ANGPT4: variants seen among roughly 807,000 people sequenced by gnomAD.
ANGPT4 encodes angiopoietin-4.
A neutral mutation model predicts 53.0 loss-of-function variants in ANGPT4; 50 were observed. That is an observed-to-expected ratio of 0.94 (90% CI 0.75 to 1.20). The LOEUF (loss-of-function observed/expected upper bound fraction) is 1.20, where lower values mean the gene tolerates loss of function less well. Ranked by LOEUF, ANGPT4 falls within the 50% of genes most tolerant of loss-of-function variation. The pLI is 0.00. For synonymous variants in ANGPT4, 251 were observed against 259.7 expected (o/e 0.97, Z 0.32); for missense variants, 648 against 637.1 (o/e 1.02, Z -0.18).
At chr20:875,920 A>G (rs2015564) in intron 7 of ANGPT4, among the ~76,000 whole-genome samples, 35,367 of 151,948 alleles carry the variant, frequency 0.23, 4,575 homozygotes, top group East Asian at 0.52. Flanking sequence ...GCTTGAGCCC[A>G]GGAGTTCGAG....
chr20:901,905 CT>C (rs1982301448), intron 1 of ANGPT4, among the ~76,000 whole-genome samples: 1 of 152,142 alleles, frequency 6.6e-6, no homozygotes, highest in Non-Finnish European at 1.5e-5. Flanking sequence ...GAGCAAAACC[CT>C]ATCTTAAAAC....
intron 1 of ANGPT4, among the ~76,000 whole-genome samples, chr20:901,328 A>G (rs1463504197): frequency 5.9e-5 from 9 of 152,182 alleles, no homozygotes; most frequent in Non-Finnish European, 1.3e-4. Context: ...GCCTTAACTG[A>G]TGACATTACC....
chr20:887,953 T>G (rs1981678701), intron 3 of ANGPT4, among the ~76,000 whole-genome samples: 1 of 152,054 alleles, frequency 6.6e-6, no homozygotes, highest in South Asian at 2.1e-4. Flanking sequence ...CCCAGGAAGA[T>G]GCCTATCCCC....
intron 2 of ANGPT4, among the ~76,000 whole-genome samples, chr20:889,315 A>G (rs1024370362): frequency 1.3e-5 from 2 of 152,088 alleles, no homozygotes; most frequent in Non-Finnish European, 2.9e-5. Context: ...TCATCATGCA[A>G]TTTCGTCATT....
In ANGPT4 at chr20:915,886, A is replaced by C; in HGVS notation, c.309+20T>G. 6.5e-7 allele frequency: 1 copy of C among 1,536,970 alleles called. No homozygotes were observed. Among genetic ancestry groups the C allele is most frequent in the Non-Finnish European group, 8.8e-7 (1 of 1,139,616 alleles). On this transcript the variant is annotated intron_variant, in intron 1 of 8. Coordinates refer to ENST00000381922, the MANE Select transcript of ANGPT4 (RefSeq NM_015985.4). ...CCCAAAGCCGCCCTCTGCCCCCTGC[A>C]AACCTCCCATGCCCCGTACCTTCTT...
chr20:906,343 C>G (rs926528479), intron 1 of ANGPT4, among the ~76,000 whole-genome samples: 7 of 152,154 alleles, frequency 4.6e-5, no homozygotes, highest in African/African-American at 1.7e-4. Context: ...CGAGCCCCAG[C>G]CCAGGTCAAG....
At chr20:884,972 C>A (rs1353320951) in intron 4 of ANGPT4, 106 bp downstream of exon 4, 7 of 1,482,518 alleles carry the variant, frequency 4.7e-6, no homozygotes, top group African/African-American at 1.4e-5. Context: ...GAGGGTGGGG[C>A]CCGCAATGGC....
In ANGPT4 at chr20:870,258, G is replaced by A. The variant is rs1247370682; in HGVS notation, c.*2702C>T. Reference sequence around the variant, plus strand: ...GAACAGGTGTCTGAGGCTGGGTATGGTGGCTCATGCCTGTAATCCCAGCAC... The same window carrying A: ...GAACAGGTGTCTGAGGCTGGGTATGATGGCTCATGCCTGTAATCCCAGCAC... On this transcript the variant is annotated 3_prime_UTR_variant, in exon 9 of 9. Coordinates refer to ENST00000381922, the MANE Select transcript of ANGPT4 (RefSeq NM_015985.4). 2 of 152,228 alleles carry A rather than the reference G, an allele frequency of 1.3e-5. No individual in the cohort carries two copies. Among genetic ancestry groups the A allele is most frequent in the African/African-American group, 2.4e-5 (1 of 41,412 alleles). 9.4% of individuals were successfully genotyped at this position (152,228 alleles called of 1,614,324 possible). A position where few individuals can be genotyped will look rare whatever the true frequency, so the allele number is the denominator to read the frequency against.
At chr20:873,241 C>G (rs1042389206) in intron 8 of ANGPT4, 121 bp from the exon 9 acceptor site, 2 of 941,770 alleles carry the variant, frequency 2.1e-6, no homozygotes, top group Non-Finnish European at 3.1e-6. Flanking sequence ...CTCTGGGAAG[C>G]CAGCTGGCTG....
intron 3 of ANGPT4, among the ~76,000 whole-genome samples, chr20:888,064 G>C (rs979943658): frequency 2.6e-5 from 4 of 152,102 alleles, no homozygotes; most frequent in Non-Finnish European, 5.9e-5. Context: ...TCCAACCCTG[G>C]TTTCAGTCCT....
chr20:906,806 T>C (rs1230160567), intron 1 of ANGPT4, among the ~76,000 whole-genome samples: 4 of 152,230 alleles, frequency 2.6e-5, no homozygotes, highest in African/African-American at 9.6e-5. Context: ...CTGCAAGACA[T>C]ACTATTGCTT....
intron 1 of ANGPT4, among the ~76,000 whole-genome samples, chr20:891,513 C>T (rs956485063): frequency 6.6e-6 from 1 of 152,234 alleles, no homozygotes; most frequent in Admixed American, 6.5e-5. Context: ...CAGCTCCCCT[C>T]CACCATTGCC....
At chr20:890,719 T>C (rs564604241) in intron 1 of ANGPT4, among the ~76,000 whole-genome samples, 1 of 152,310 alleles carries the variant, frequency 6.6e-6, no homozygotes, top group South Asian at 2.1e-4. Context: ...GGAAAAGCCA[T>C]GACTGCAGGT....
rs79320190 is a variant in ANGPT4 at position 890,327 on chromosome 20, C to T, written c.351G>A (p.Glu117=). 1.1e-3 allele frequency: 1,799 copies of T among 1,613,562 alleles called. 16 individuals carry two copies. In the African/African-American group the frequency reaches 0.021, roughly 19 times the overall value. ...TCTGGGCCATTTGCTGCTGGACCTG[C>T]TCCAGCTTCGACCTCAAGATCGTCT... is the stretch of plus-strand genomic sequence containing the variant. ...AIKTILRSKL[E]QVQQQMAQNQ... is the part of the protein sequence containing the mutation. The change falls in exon 2 of 9, where the codon GAG becomes GAA. Residue 117 remains glutamate, a synonymous_variant. Coordinates refer to ENST00000381922, the MANE Select transcript of ANGPT4 (RefSeq NM_015985.4).
chr20:915,197 A>G (rs1982875824), intron 1 of ANGPT4, among the ~76,000 whole-genome samples: 1 of 151,460 alleles, frequency 6.6e-6, no homozygotes, highest in Non-Finnish European at 1.5e-5. Flanking sequence ...CATGACACTC[A>G]GAACAAAAGC....
intron 2 of ANGPT4, among the ~76,000 whole-genome samples, chr20:888,952 G>A (rs958342605): frequency 1.3e-5 from 2 of 152,188 alleles, no homozygotes; most frequent in African/African-American, 4.8e-5. Context: ...GGTGTGATCT[G>A]TCCCTATCAC....
intron 5 of ANGPT4, among the ~76,000 whole-genome samples, chr20:880,577 G>A (rs1164271909): frequency 2.0e-5 from 3 of 149,906 alleles, no homozygotes; most frequent in African/African-American, 7.6e-5. Flanking sequence ...ACCAGAGCAA[G>A]ACCCTGTCTC....
In ANGPT4 at chr20:890,262, A is replaced by G; in HGVS notation, c.416T>C (p.Leu139Pro). The G allele has an allele frequency of 6.2e-7, 1 of 1,614,000 alleles. No individual in the cohort carries two copies. ...GCGGATCTGGGCAGTGGTCTGGTTC[A>G]GGAGGCTGGTGCCCAGCTCTAGCAT... ...APMLELGTSLLNQTTAQIRKL... is the reference protein window; with the variant it reads ...APMLELGTSLPNQTTAQIRKL... Residue 139 changes from leucine to proline, a missense_variant, in exon 2 of 9, where the codon CTG becomes CCG. Leu to Pro is a moderately conservative substitution (Grantham distance 98, BLOSUM62 -3). Transcript: ENST00000381922.
chr20:874,372 G>T lies in ANGPT4; in HGVS notation c.1263C>A (p.Ser421Arg). 1 of 1,614,106 alleles carries T rather than the reference G, an allele frequency of 6.2e-7. No homozygotes were observed. Among genetic ancestry groups the T allele is most frequent in the South Asian group, 1.1e-5 (1 of 91,076 alleles). ...VGYSGSAGRQSSLVLQNTSFS... is the reference protein window; with the variant it reads ...VGYSGSAGRQRSLVLQNTSFS... Reference sequence around the variant, plus strand: ...AGCTGGTGTTCTGCAGGACCAGGCTGCTCTGGCGCCCTGCTGAGCCGCTGT... The same window carrying T: ...AGCTGGTGTTCTGCAGGACCAGGCTTCTCTGGCGCCCTGCTGAGCCGCTGT... Residue 421 changes from serine (S) to arginine (R), a missense_variant, in exon 8 of 9, where the codon AGC becomes AGA. Ser to Arg is a moderately radical substitution (Grantham distance 110, BLOSUM62 -1). Transcript: ENST00000381922.
Sources: allele counts gnomAD v4.1 joint callset (sites outside exome capture counted in the v4.1 genomes callset), GRCh38; gene constraint gnomAD v4.1.1; transcripts MANE v1.5; gene names NCBI Gene and HGNC (gene_info 2026-07-23, HGNC 2026-07-21).